Variants in MSRB2 observed in about 807,000 individuals in gnomAD.
MSRB2 encodes methionine-R-sulfoxide reductase B2, mitochondrial.
A neutral mutation model predicts 19.0 loss-of-function variants in MSRB2; 17 were observed. The observed-to-expected ratio is 0.89, with a 90% CI of 0.61 to 1.34. The LOEUF (loss-of-function observed/expected upper bound fraction) is 1.34. Among genes scored for constraint, MSRB2 ranks in the 40% most tolerant of loss-of-function variants. The pLI, the probability that MSRB2 is intolerant of heterozygous loss-of-function variation, is 0.00. For missense variants in MSRB2, 208 were observed against 237.6 expected (o/e 0.88, Z 0.82); for synonymous variants, 107 against 99.7 (o/e 1.07, Z -0.44).
At chr10:23,112,831 G>A (rs954310377) in intron 3 of MSRB2, among the ~76,000 whole-genome samples, 5 of 152,118 alleles carry the variant, frequency 3.3e-5, no homozygotes, top group African/African-American at 7.2e-5. Context: ...TGATCCACCC[G>A]CTTTGGCCTC....
Position 23,096,886 on chromosome 10 carries a change from T to C in MSRB2, c.118+1160T>C, listed in dbSNP as rs3793755. Among the ~76,000 whole-genome samples, 20 of 152,108 alleles carry C rather than the reference T, an allele frequency of 1.3e-4. No individual in the cohort carries two copies. The East Asian group carries it at 3.3e-3, about 25-fold the overall frequency. ...TCTATAACCCCTTGAAAAAGGATGG[T>C]GGTTTTAGCGGTAACTACTTCATGG... On this transcript the variant is annotated intron_variant, in intron 1 of 4. Transcript: ENST00000376510.
At chr10:23,118,330 G>C (rs1490349131) in intron 3 of MSRB2, among the ~76,000 whole-genome samples, 2 of 86,642 alleles carry the variant, frequency 2.3e-5, no homozygotes, top group Admixed American at 2.8e-4. Context: ...TCTTAGATTA[G>C]TTTTTTGTTT....
intron 3 of MSRB2, among the ~76,000 whole-genome samples, chr10:23,110,556 C>G (rs1840039846): frequency 6.6e-6 from 1 of 151,742 alleles, no homozygotes; most frequent in Non-Finnish European, 1.5e-5. Context: ...TATATTCTTC[C>G]TTTCTCTATC....
chr10:23,110,148 T>C (rs1393154429), intron 2 of MSRB2, 94 bp from the exon 3 acceptor site: 3 of 928,404 alleles, frequency 3.2e-6, no homozygotes, highest in Non-Finnish European at 3.4e-6. Context: ...AGAAATTCCT[T>C]GATTTGGGGA....
chr10:23,117,505 G>A (rs887902425), intron 3 of MSRB2, among the ~76,000 whole-genome samples: 3 of 152,130 alleles, frequency 2.0e-5, no homozygotes, highest in East Asian at 1.9e-4. Context: ...ATTTTGAAAA[G>A]TATAATTATT....
chr10:23,103,282 G>A (rs1839945086), intron 1 of MSRB2, among the ~76,000 whole-genome samples: 1 of 152,106 alleles, frequency 6.6e-6, no homozygotes, highest in Non-Finnish European at 1.5e-5. Flanking sequence ...TGGCATCACG[G>A]GCATTCAACG....
intron 2 of MSRB2, among the ~76,000 whole-genome samples, chr10:23,109,142 C>T (rs1022221987): frequency 5.9e-5 from 9 of 152,218 alleles, no homozygotes; most frequent in South Asian, 2.1e-4. Context: ...CAGTGCCTGC[C>T]GCCAGGCCCT....
chr10:23,109,670 T>G (rs761820910), intron 2 of MSRB2, among the ~76,000 whole-genome samples: 8 of 152,184 alleles, frequency 5.3e-5, no homozygotes, highest in Non-Finnish European at 1.2e-4. Flanking sequence ...TAACCCACAA[T>G]GAACGCAGTA....
At chr10:23,106,637 C>T (rs901390185) in intron 2 of MSRB2, among the ~76,000 whole-genome samples, 11 of 152,184 alleles carry the variant, frequency 7.2e-5, no homozygotes, top group Admixed American at 4.6e-4. Flanking sequence ...TGTGGGGCTG[C>T]AGGATGGCAG....
At chr10:23,118,334 TTTG>T (rs1294006858) in intron 3 of MSRB2, among the ~76,000 whole-genome samples, 2,904 of 130,002 alleles carry the variant, frequency 0.022, 83 homozygotes, top group Admixed American at 0.084. Context: ...AGATTAGTTT[TTTG>T]TTTTTTTTTT....
intron 2 of MSRB2, among the ~76,000 whole-genome samples, chr10:23,105,964 A>G (rs571289784): frequency 6.6e-6 from 1 of 152,248 alleles, no homozygotes; most frequent in South Asian, 2.1e-4. Context: ...AGGGAACCAC[A>G]TGATACTCTG....
At chr10:23,119,248 T>C in intron 3 of MSRB2, 56 bp from the exon 4 acceptor site, 1 of 1,597,246 alleles carries the variant, frequency 6.3e-7, no homozygotes, top group Admixed American at 1.7e-5. Flanking sequence ...GGGCACCTCT[T>C]GGCATGTTAA....
Position 23,110,293 on chromosome 10 carries a change from G to C in MSRB2, c.271G>C (p.Val91Leu). The C allele has an allele frequency of 6.2e-7, 1 of 1,613,896 alleles. No individual in the cohort carries two copies. Among genetic ancestry groups the C allele is most frequent in the Non-Finnish European group, 8.5e-7 (1 of 1,179,868 alleles). The change falls in exon 3 of 5, where the codon GTG becomes CTG. Residue 91 changes from valine (V) to leucine (L), a missense_variant. Coordinates refer to ENST00000376510, the MANE Select transcript of MSRB2 (RefSeq NM_012228.4). Reference protein sequence around the residue: ...NNKEAGMYHCVCCDSPLFSSE... With the variant: ...NNKEAGMYHCLCCDSPLFSSE... The stretch of plus-strand genomic sequence containing the variant: ...CAAGGAAGCAGGAATGTATCATTGC[G>C]TGTGCTGCGACAGTCCACTCTTCAG...
intron 3 of MSRB2, among the ~76,000 whole-genome samples, chr10:23,116,533 G>A (rs1383597730): frequency 1.3e-5 from 2 of 152,178 alleles, no homozygotes; most frequent in African/African-American, 4.8e-5. Flanking sequence ...ATTATAATTA[G>A]ATCCTATACA....
At position 23,100,633 on chromosome 10, in the gene MSRB2, G is replaced by C. The variant is rs532152267; in HGVS notation, c.119-3511G>C. On this transcript the variant is annotated intron_variant, in intron 1 of 4. Coordinates refer to ENST00000376510, the MANE Select transcript of MSRB2 (RefSeq NM_012228.4). ...GGTCAGAGCAGGAGGAAGAGAGAGA[G>C]GGGGAGGTGAACTTTTAAACAACCA... 5.3e-5 allele frequency among the ~76,000 whole-genome samples: 8 copies of C among 152,238 alleles called. No individual in the cohort carries two copies. In the South Asian group the frequency reaches 1.5e-3, roughly 28 times the overall value.
chr10:23,108,380 C>G (rs981686372), intron 2 of MSRB2, among the ~76,000 whole-genome samples: 6 of 152,102 alleles, frequency 3.9e-5, no homozygotes, highest in African/African-American at 1.4e-4. Context: ...TGTCTGGATC[C>G]TATGAAAAGG....
rs914910301 is a variant in MSRB2, at chr10:23,096,257, G to A, written c.118+531G>A. On this transcript the variant is annotated intron_variant, in intron 1 of 4. Coordinates refer to ENST00000376510, the MANE Select transcript of MSRB2 (RefSeq NM_012228.4). ...ATGTGTCTAAGAGCCAGGGAGACTG[G>A]GTTGATCATTTGTTCCTTCTTTAAG... Among the ~76,000 whole-genome samples, 8 of 152,114 alleles carry A rather than the reference G, an allele frequency of 5.3e-5. No homozygotes were observed. In the East Asian group the frequency reaches 1.5e-3, roughly 29 times the overall value.
At chr10:23,099,749 G>A (rs999120203) in intron 1 of MSRB2, among the ~76,000 whole-genome samples, 4 of 152,124 alleles carry the variant, frequency 2.6e-5, no homozygotes, top group Admixed American at 1.3e-4. Flanking sequence ...TTAGGGCAGA[G>A]GGAGAAGGTG....
chr10:23,120,753 TG>T lies in MSRB2; in HGVS notation c.445-4del. 1 of 1,610,730 alleles carries T rather than the reference TG, an allele frequency of 6.2e-7. No homozygotes were observed. Among genetic ancestry groups the T allele is most frequent in the Non-Finnish European group, 8.5e-7 (1 of 1,177,284 alleles). On this transcript the variant is annotated splice_region_variant and splice_polypyrimidine_tract_variant and intron_variant, in intron 4 of 4. Transcript: ENST00000376510. ...GGAGATGACAGAGGCTTCTGTCCTT[TG>T]CAGTGTGAAGCTCATCTAGGTCACG...
Sources: gnomAD v4.1 joint callset for allele counts (sites outside exome capture counted in the v4.1 genomes callset) on GRCh38, gnomAD v4.1.1 for gene constraint, MANE v1.5 for transcripts, NCBI Gene and HGNC (gene_info 2026-07-23, HGNC 2026-07-21) for gene names.